Variants in KIAA0232 observed in about 807,000 individuals in gnomAD.
The protein encoded by KIAA0232 is uncharacterized protein KIAA0232.
A neutral mutation model predicts 122.0 loss-of-function variants in KIAA0232; 27 were observed. That is an observed-to-expected ratio of 0.22 (90% CI 0.16 to 0.31). The LOEUF (loss-of-function observed/expected upper bound fraction) is 0.31, where lower values mean the gene tolerates loss of function less well. Ranked by LOEUF, KIAA0232 falls within the 10% of genes least tolerant of loss-of-function variation. KIAA0232 has a pLI of 1.00. For synonymous variants in KIAA0232, 613 were observed against 587.6 expected, an observed-to-expected ratio of 1.04 and a Z score of -0.63; for missense variants, 1,551 against 1,634.2, an observed-to-expected ratio of 0.95 and a Z score of 0.88.
chr4:6,848,129 A>AC (rs1720070242), intron 4 of KIAA0232, among the ~76,000 whole-genome samples: 1 of 152,174 alleles, frequency 6.6e-6, no homozygotes. Context: ...GAGGACTTAC[A>AC]CCCTAAGTAG....
intron 4 of KIAA0232, among the ~76,000 whole-genome samples, chr4:6,851,407 A>G (rs950822397): frequency 5.3e-5 from 8 of 152,178 alleles, no homozygotes; most frequent in Non-Finnish European, 8.8e-5. Context: ...TTTTTTGCAT[A>G]TCATAAAAAA....
intron 1 of KIAA0232, among the ~76,000 whole-genome samples, chr4:6,799,191 TG>T (rs1055612699): frequency 1.5e-4 from 22 of 151,632 alleles, no homozygotes; most frequent in Admixed American, 2.0e-4. Flanking sequence ...TGTCTTCACG[TG>T]GGATTCTCCC....
At chr4:6,799,473 A>G (rs774006029) in intron 1 of KIAA0232, among the ~76,000 whole-genome samples, 10 of 151,708 alleles carry the variant, frequency 6.6e-5, no homozygotes, top group Non-Finnish European at 1.3e-4. Flanking sequence ...CATTTCCTCA[A>G]ATTCATCTCT....
chr4:6,800,256 C>A (rs1717329414), intron 1 of KIAA0232, among the ~76,000 whole-genome samples: 1 of 149,154 alleles, frequency 6.7e-6, no homozygotes, highest in South Asian at 2.1e-4. Flanking sequence ...TAGGGTTTCA[C>A]CATTTTTGCC....
At chr4:6,854,261 A>T (rs1481937966) in intron 4 of KIAA0232, among the ~76,000 whole-genome samples, 1 of 151,626 alleles carries the variant, frequency 6.6e-6, no homozygotes, top group Non-Finnish European at 1.5e-5. Context: ...TTTTTTACTG[A>T]ATCTTGGGAG....
intron 1 of KIAA0232, among the ~76,000 whole-genome samples, chr4:6,790,797 G>A (rs183973246): frequency 3.3e-5 from 5 of 151,712 alleles, no homozygotes; most frequent in Admixed American, 2.6e-4. Flanking sequence ...TCTTTCTTTG[G>A]TTGTTTTCCT....
chr4:6,799,429 G>A (rs1294840657), intron 1 of KIAA0232, among the ~76,000 whole-genome samples: 1 of 151,598 alleles, frequency 6.6e-6, no homozygotes, highest in Non-Finnish European at 1.5e-5. Flanking sequence ...AGGTGTTAAA[G>A]TTGGGGGTAA....
chr4:6,782,804 C>T lies in KIAA0232; in HGVS notation c.-391C>T, dbSNP rs1001338020. 6.7e-6 allele frequency: 1 copy of T among 148,504 alleles called. No individual in the cohort carries two copies. The highest frequency in any genetic ancestry group is 2.4e-5 in the African/African-American group (1 of 40,986). 9.2% of individuals were successfully genotyped at this position (148,504 alleles called of 1,614,324 possible). On this transcript the variant is annotated 5_prime_UTR_variant, in exon 1 of 10. Transcript: ENST00000307659. ...GCCCCTCGGAGCCAGAGGAGAGGCG[C>T]CCCCGCCGGCCGCCGCGCCGCCCGG... is the stretch of plus-strand genomic sequence containing the variant.
At chr4:6,858,578 C>T (rs911598547) in intron 6 of KIAA0232, 72 bp downstream of exon 6, 7 of 961,838 alleles carry the variant, frequency 7.3e-6, no homozygotes, top group African/African-American at 3.4e-5. Context: ...ACATGGTTTC[C>T]GTTTTCTGTT....
chr4:6,875,501 G>C (rs577070661), intron 8 of KIAA0232, among the ~76,000 whole-genome samples: 1 of 152,316 alleles, frequency 6.6e-6, no homozygotes, highest in South Asian at 2.1e-4. Context: ...CATGTGGCCA[G>C]TGCAGCTGCA....
chr4:6,835,789 G>A (rs555257144), intron 3 of KIAA0232, among the ~76,000 whole-genome samples: 1 of 152,308 alleles, frequency 6.6e-6, no homozygotes, highest in South Asian at 2.1e-4. Flanking sequence ...CCCTGCAAAG[G>A]ACATGAACTC....
At chr4:6,787,253 T>G (rs940329601) in intron 1 of KIAA0232, among the ~76,000 whole-genome samples, 2 of 152,148 alleles carry the variant, frequency 1.3e-5, no homozygotes, top group Admixed American at 1.3e-4. Flanking sequence ...TGCTTTTTCT[T>G]TAAAAGTTTT....
chr4:6,810,225 T>C (rs757488431), intron 2 of KIAA0232, among the ~76,000 whole-genome samples: 1 of 152,074 alleles, frequency 6.6e-6, no homozygotes, highest in African/African-American at 2.4e-5. Context: ...GGTGTAAAAA[T>C]AGATGTATAG....
At chr4:6,836,546 C>CTTTTT (rs1173281370) in intron 3 of KIAA0232, among the ~76,000 whole-genome samples, 2 of 82,080 alleles carry the variant, frequency 2.4e-5, no homozygotes, top group Non-Finnish European at 5.4e-5. Context: ...TTTTTCTTTT[C>CTTTTT]TTTTTTTTTT....
intron 1 of KIAA0232, among the ~76,000 whole-genome samples, chr4:6,787,629 T>C (rs530440096): frequency 3.9e-5 from 6 of 152,204 alleles, no homozygotes; most frequent in Non-Finnish European, 8.8e-5. Flanking sequence ...TCCATCAGTC[T>C]TTTTCTTTAC....
intron 1 of KIAA0232, among the ~76,000 whole-genome samples, chr4:6,783,496 C>T (rs923565138): frequency 6.6e-6 from 1 of 152,174 alleles, no homozygotes; most frequent in Non-Finnish European, 1.5e-5. Flanking sequence ...TGGGAGGCGC[C>T]CGGCGTCCCC....
At position 6,824,517 on chromosome 4, in the gene KIAA0232, C is replaced by T; in HGVS notation, c.64C>T (p.Pro22Ser). The T allele has an allele frequency of 1.2e-6, 2 of 1,614,182 alleles. No homozygotes were observed. Among genetic ancestry groups the T allele is most frequent in the Non-Finnish European group, 1.7e-6 (2 of 1,180,024 alleles). Residue 22 changes from proline (P) to serine (S), a missense_variant, in exon 3 of 10, where the codon CCA becomes TCA. By Grantham distance (74) the Pro-to-Ser change is moderately conservative (BLOSUM62 -1). This residue lies in a region of KIAA0232 where 37 missense variants were observed against 28.5 expected (regional missense o/e 1.30). Transcript: ENST00000307659. ...LPSESSSSSY[P>S]GPVSVSEMSL... Reference sequence around the variant, plus strand: ...ATCTGAAAGCTCCTCAAGTTCTTATCCAGGCCCTGTGTCTGTTTCTGAAAT... The same window carrying T: ...ATCTGAAAGCTCCTCAAGTTCTTATTCAGGCCCTGTGTCTGTTTCTGAAAT...
intron 1 of KIAA0232, among the ~76,000 whole-genome samples, chr4:6,789,269 C>T (rs1260434533): frequency 6.6e-6 from 1 of 151,160 alleles, no homozygotes; most frequent in African/African-American, 2.4e-5. Context: ...CCATGCCCGG[C>T]CTTTTCTTTT....
intron 3 of KIAA0232, among the ~76,000 whole-genome samples, chr4:6,838,189 CTTTTTTTTT>C (rs57836301): frequency 1.6e-5 from 2 of 126,064 alleles, no homozygotes; most frequent in Non-Finnish European, 3.4e-5. Context: ...ACAAAGATAG[CTTTTTTTTT>C]TTTTTTTTGA....
Sources: gnomAD v4.1 joint callset for allele counts (sites outside exome capture counted in the v4.1 genomes callset) on GRCh38, gnomAD v4.1.1 for gene constraint, gnomAD v4.1.1 regional missense constraint, MANE v1.5 for transcripts, NCBI Gene and HGNC (gene_info 2026-07-23, HGNC 2026-07-21) for gene names.